Variants in VPS13B observed in about 807,000 individuals in gnomAD.
VPS13B encodes the protein vacuolar protein sorting 13 homolog B, also known as intermembrane lipid transfer protein VPS13B.
A neutral mutation model predicts 426.4 loss-of-function variants in VPS13B; 285 were observed. The observed-to-expected ratio is 0.67, with a 90% CI of 0.61 to 0.74. The LOEUF (loss-of-function observed/expected upper bound fraction) is 0.74. Among genes scored for constraint, VPS13B ranks in the 30% least tolerant of loss-of-function variants. VPS13B has a pLI of 0.00. For missense variants in VPS13B, 4,537 were observed against 4,782.6 expected, an observed-to-expected ratio of 0.95 and a Z score of 1.51; for synonymous variants, 1,676 against 1,676.4, an observed-to-expected ratio of 1.00 and a Z score of 0.01.
chr8:99,659,812 C>T (rs899245656), intron 34 of VPS13B, among the ~76,000 whole-genome samples: 1 of 152,092 alleles, frequency 6.6e-6, no homozygotes, highest in Non-Finnish European at 1.5e-5. Context: ...GTTTTATCTC[C>T]ACATTGTATT....
intron 19 of VPS13B, among the ~76,000 whole-genome samples, chr8:99,292,766 C>A (rs1032877529): frequency 6.6e-6 from 1 of 152,036 alleles, no homozygotes; most frequent in Non-Finnish European, 1.5e-5. Flanking sequence ...CCATATATTG[C>A]AGTTCTTGGG....
At position 99,526,196 on chromosome 8, in the gene VPS13B, A is replaced by C. The variant is rs528654112; in HGVS notation, c.4745+5186A>C. Among the ~76,000 whole-genome samples the C allele has an allele frequency of 1.5e-3, 222 of 152,342 alleles. 1 individual carries two copies. The highest frequency in any genetic ancestry group is 5.1e-3 in the African/African-American group (211 of 41,578). On this transcript the variant is annotated intron_variant, in intron 30 of 61. Coordinates refer to ENST00000357162, the MANE Select transcript of VPS13B (RefSeq NM_152564.5). ...TTTGAAAATAAAGGGAGTCACAATT[A>C]AGAACAAATGGAAGTGTGACATTCA...
intron 19 of VPS13B, among the ~76,000 whole-genome samples, chr8:99,378,898 T>C (rs1447920223): frequency 6.6e-6 from 1 of 152,118 alleles, no homozygotes; most frequent in Non-Finnish European, 1.5e-5. Flanking sequence ...TGACAACTTT[T>C]TTTCTGCTTT....
rs748423879 is a variant in VPS13B, at chr8:99,835,261, A to G, written c.9679A>G (p.Ser3227Gly). ...VTYLTLSEDP[S>G]PRVIIHNRCP... ...TTATTTAACCCTCTCAGAAGACCCT[A>G]GTCCTCGAGTAATTATCCACAATAG... The change falls in exon 53 of 62, where the codon AGT becomes GGT. Residue 3227 changes from serine to glycine, a missense_variant. This residue lies in a region of VPS13B where 4,311 missense variants were observed against 4,474.3 expected (regional missense o/e 0.96). Transcript: ENST00000357162. 1 of 1,613,884 alleles carries G rather than the reference A, an allele frequency of 6.2e-7. No individual in the cohort carries two copies. Among genetic ancestry groups the G allele is most frequent in the Non-Finnish European group, 8.5e-7 (1 of 1,179,818 alleles).
intron 16 of VPS13B, among the ~76,000 whole-genome samples, chr8:99,176,144 T>G (rs982150547): frequency 3.1e-4 from 46 of 150,792 alleles, no homozygotes; most frequent in Admixed American, 4.0e-4. Flanking sequence ...AAACTTTTGT[T>G]TTTTTTTTTT....
intron 33 of VPS13B, among the ~76,000 whole-genome samples, chr8:99,621,478 A>G (rs1189152473): frequency 5.9e-5 from 9 of 152,106 alleles, no homozygotes; most frequent in Admixed American, 5.9e-4. Flanking sequence ...TGACCCTAGC[A>G]CTTTGGAATC....
At chr8:99,200,943 C>T (rs1404305265) in intron 17 of VPS13B, among the ~76,000 whole-genome samples, 1 of 151,818 alleles carries the variant, frequency 6.6e-6, no homozygotes, top group Admixed American at 6.6e-5. Flanking sequence ...TGGTTTATCC[C>T]TTTGATACTG....
intron 17 of VPS13B, among the ~76,000 whole-genome samples, chr8:99,268,326 G>T (rs1046210960): frequency 3.9e-5 from 6 of 152,166 alleles, no homozygotes; most frequent in African/African-American, 1.4e-4. Flanking sequence ...CCCCAGAATT[G>T]TAGATCCACT....
At position 99,602,232 on chromosome 8, in the gene VPS13B, C is replaced by A. The variant is rs536418982; in HGVS notation, c.5220+24599C>A. Reference sequence around the variant, plus strand: ...TCTGCATGTGGCTAGCCAGTTTTCCCAACACCATTTATTAAATAGGGAATC... The same window carrying A: ...TCTGCATGTGGCTAGCCAGTTTTCCAAACACCATTTATTAAATAGGGAATC... On this transcript the variant is annotated intron_variant, in intron 33 of 61. Coordinates refer to ENST00000357162, the MANE Select transcript of VPS13B (RefSeq NM_152564.5). Among the ~76,000 whole-genome samples, 4 of 152,262 alleles carry A rather than the reference C, an allele frequency of 2.6e-5. No homozygotes were observed. In the South Asian group the frequency reaches 8.3e-4, roughly 32 times the overall value.
intron 2 of VPS13B, among the ~76,000 whole-genome samples, chr8:99,019,762 T>C (rs1385218090): frequency 1.3e-5 from 2 of 152,250 alleles, no homozygotes; most frequent in Non-Finnish European, 2.9e-5. Flanking sequence ...TATTGGCATA[T>C]TTCACTTAGC....
At chr8:99,051,799 A>G in intron 3 of VPS13B, among the ~76,000 whole-genome samples, 1 of 152,120 alleles carries the variant, frequency 6.6e-6, no homozygotes, top group East Asian at 1.9e-4. Flanking sequence ...GCAATTGTGA[A>G]TGGGAGTTCA....
intron 17 of VPS13B, 49 bp downstream of exon 17, chr8:99,193,106 G>T: frequency 6.3e-7 from 1 of 1,575,600 alleles, no homozygotes; most frequent in South Asian, 1.1e-5. Context: ...TGTGTTAGAG[G>T]CAACTAATAT....
chr8:99,441,483 A>G (rs1005224029), intron 22 of VPS13B, among the ~76,000 whole-genome samples: 2 of 152,142 alleles, frequency 1.3e-5, no homozygotes, highest in African/African-American at 4.8e-5. Context: ...AATATTTTGT[A>G]GGAAATCAAC....
intron 6 of VPS13B, among the ~76,000 whole-genome samples, chr8:99,114,436 C>A (rs1244642650): frequency 6.6e-6 from 1 of 152,126 alleles, no homozygotes; most frequent in Non-Finnish European, 1.5e-5. Flanking sequence ...TAATCTTACT[C>A]ATTTTAAGGA....
chr8:99,615,418 T>C (rs1828045212), intron 33 of VPS13B, among the ~76,000 whole-genome samples: 1 of 152,180 alleles, frequency 6.6e-6, no homozygotes, highest in South Asian at 2.1e-4. Flanking sequence ...CCTTAATCCT[T>C]AATCTTATTG....
intron 3 of VPS13B, among the ~76,000 whole-genome samples, chr8:99,069,040 T>C (rs1844708303): frequency 6.6e-6 from 1 of 152,184 alleles, no homozygotes; most frequent in African/African-American, 2.4e-5. Flanking sequence ...TAAAATAATT[T>C]AAAAATTATA....
At position 99,875,459 on chromosome 8, in the gene VPS13B, C is replaced by G. The variant is rs147710096; in HGVS notation, c.11787C>G (p.Asn3929Lys). The change falls in exon 62 of 62, where the codon AAC becomes AAG. Residue 3929 changes from asparagine (N) to lysine (K), a missense_variant. Around this residue, in one of 2 missense-constraint regions of VPS13B, gnomAD observed 4,311 missense variants for 4,474.3 expected, o/e 0.96. Transcript: ENST00000357162. ...AGAGACTGTCAGAGCAACAGTACAA[C>G]AGACTGGTGGACTACATCACAAAGA... ...VRERLSEQQYNRLVDYITKTS... is the reference protein window; with the variant it reads ...VRERLSEQQYKRLVDYITKTS... The G allele has an allele frequency of 5.0e-6, 8 of 1,614,178 alleles. No individual in the cohort carries two copies. The Admixed American group carries it at 1.3e-4, about 27-fold the overall frequency.
At chr8:99,225,258 A>C (rs548123200) in intron 17 of VPS13B, among the ~76,000 whole-genome samples, 1 of 152,156 alleles carries the variant, frequency 6.6e-6, no homozygotes, top group Non-Finnish European at 1.5e-5. Flanking sequence ...TTCAGAAGGA[A>C]ATTTAACTCT....
chr8:99,781,436 T>C (rs1221280975), intron 42 of VPS13B, among the ~76,000 whole-genome samples: 2 of 152,196 alleles, frequency 1.3e-5, no homozygotes, highest in Non-Finnish European at 2.9e-5. Flanking sequence ...AGCCATCTTT[T>C]AATTATGATT....
Sources: allele counts gnomAD v4.1 joint callset (sites outside exome capture counted in the v4.1 genomes callset), GRCh38; gene constraint gnomAD v4.1.1; regional missense constraint gnomAD v4.1.1; transcripts MANE v1.5; gene names NCBI Gene and HGNC (gene_info 2026-07-23, HGNC 2026-07-21).